Variants in UHRF2 observed in about 807,000 individuals in gnomAD.
UHRF2 encodes E3 ubiquitin-protein ligase UHRF2.
UHRF2 carries 23 observed loss-of-function variants against 96.8 expected under a neutral mutation model. The ratio of observed to expected loss-of-function variants is 0.24; its 90% CI spans 0.17 to 0.34. UHRF2 has a LOEUF of 0.34. Ranked by LOEUF, UHRF2 falls within the 10% of genes least tolerant of loss-of-function variation. The pLI, the probability that UHRF2 is intolerant of heterozygous loss-of-function variation, is 1.00. For missense variants in UHRF2, 685 were observed against 981.5 expected, an observed-to-expected ratio of 0.70 and a Z score of 4.04; for synonymous variants, 385 against 332.6, an observed-to-expected ratio of 1.16 and a Z score of -1.72.
intron 10 of UHRF2, chr9:6,494,966 T>G (rs1478565236): frequency 6.6e-6 from 1 of 152,222 alleles, no homozygotes; most frequent in African/African-American, 2.4e-5. Flanking sequence ...GGTGAAAACA[T>G]TCTTGAGACA....
In UHRF2 at chr9:6,499,824, C is replaced by A. The variant is rs747579691; in HGVS notation, c.1909-11C>A. 1.3e-5 allele frequency: 20 copies of A among 1,582,590 alleles called. No individual in the cohort carries two copies. The highest frequency in any genetic ancestry group is 1.6e-5 in the Non-Finnish European group (19 of 1,156,768). On this transcript the variant is annotated splice_polypyrimidine_tract_variant and intron_variant, in intron 12 of 15. Coordinates refer to ENST00000276893, the MANE Select transcript of UHRF2 (RefSeq NM_152896.3). ...ATCTGCATTGTACTCTCCCTCCTCCCCCCCCATCAGTATCCAGCAGGTTAC... is the reference window on the plus strand; with the variant it reads ...ATCTGCATTGTACTCTCCCTCCTCCACCCCCATCAGTATCCAGCAGGTTAC...
intron 8 of UHRF2, 96 bp downstream of exon 8, chr9:6,482,195 A>C (rs1456149347): frequency 1.0e-6 from 1 of 974,686 alleles, no homozygotes; most frequent in Non-Finnish European, 1.6e-6. Context: ...CTAACACATG[A>C]CATTCACTTG....
chr9:6,419,753 T>C (rs1454866284), intron 1 of UHRF2, among the ~76,000 whole-genome samples: 1 of 152,060 alleles, frequency 6.6e-6, no homozygotes, highest in Non-Finnish European at 1.5e-5. Context: ...TTTATTTGTT[T>C]ATTTTGAGAC....
intron 1 of UHRF2, among the ~76,000 whole-genome samples, chr9:6,419,047 A>T (rs1587756168): frequency 6.6e-6 from 1 of 152,268 alleles, no homozygotes; most frequent in African/African-American, 2.4e-5. Context: ...TTATGAGGAC[A>T]CTAGCCATAT....
In UHRF2 at chr9:6,471,722, C is replaced by T. The variant is rs186302987; in HGVS notation, c.864-3669C>T. Among the ~76,000 whole-genome samples the T allele has an allele frequency of 1.1e-4, 17 of 152,286 alleles. No homozygotes were observed. In the East Asian group the frequency reaches 3.3e-3, roughly 29 times the overall value. On this transcript the variant is annotated intron_variant, in intron 4 of 15. Coordinates refer to ENST00000276893, the MANE Select transcript of UHRF2 (RefSeq NM_152896.3). ...TACTCCCAGATTCCTGACCCACCCC[C>T]ATATGAGTAAGTACAAGCAGTTTGC...
chr9:6,504,895 A>C (rs2130981227), intron 15 of UHRF2, among the ~76,000 whole-genome samples: 1 of 152,240 alleles, frequency 6.6e-6, no homozygotes, highest in African/African-American at 2.4e-5. Flanking sequence ...GTCATTTGAG[A>C]TATTCTATCA....
chr9:6,496,805 T>C (rs1375161133), intron 10 of UHRF2: 1 of 156,174 alleles, frequency 6.4e-6, no homozygotes, highest in Non-Finnish European at 1.4e-5. Flanking sequence ...TTCCAGCAAT[T>C]CACCTTACAC....
At chr9:6,415,059 T>C (rs566362772) in intron 1 of UHRF2, 1 of 152,248 alleles carries the variant, frequency 6.6e-6, no homozygotes, top group Non-Finnish European at 1.5e-5. Flanking sequence ...TGCATTTTAT[T>C]TTCTAGCTGG....
chr9:6,500,557 T>C lies in UHRF2; in HGVS notation c.2011T>C (p.Cys671Arg), dbSNP rs1321156469. 2 of 1,607,800 alleles carry C rather than the reference T, an allele frequency of 1.2e-6. No individual in the cohort carries two copies. Among genetic ancestry groups the C allele is most frequent in the East Asian group, 2.2e-5 (1 of 44,756 alleles). Residue 671 changes from cysteine (C) to arginine (R), a missense_variant, in exon 14 of 16, where the codon TGT becomes CGT. Coordinates refer to ENST00000276893, the MANE Select transcript of UHRF2 (RefSeq NM_152896.3). Reference protein sequence around the residue: ...TTKRPISDDDCPSASKVYKAS... With the variant: ...TTKRPISDDDRPSASKVYKAS... ...CATTTTTAAAATAAATCTAGATGAC[T>C]GTCCAAGTGCCTCCAAAGTGTACAA...
intron 3 of UHRF2, among the ~76,000 whole-genome samples, chr9:6,455,612 C>A (rs887118365): frequency 4.6e-5 from 7 of 152,114 alleles, no homozygotes; most frequent in South Asian, 4.1e-4. Context: ...TGAGGAGCAG[C>A]AGGTCTTAAT....
At chr9:6,445,871 C>G (rs1587804209) in intron 3 of UHRF2, among the ~76,000 whole-genome samples, 1 of 150,842 alleles carries the variant, frequency 6.6e-6, no homozygotes, top group Non-Finnish European at 1.5e-5. Context: ...GCTCTTTCTT[C>G]TAATAATATT....
intron 5 of UHRF2, among the ~76,000 whole-genome samples, chr9:6,476,402 C>G (rs929081130): frequency 6.6e-6 from 1 of 152,092 alleles, no homozygotes; most frequent in Non-Finnish European, 1.5e-5. Context: ...CGAGTAAAGC[C>G]TTAGAATTAT....
At chr9:6,505,843 A>G (rs980398885) in intron 15 of UHRF2, among the ~76,000 whole-genome samples, 190 bp from the exon 16 acceptor site, 4 of 152,208 alleles carry the variant, frequency 2.6e-5, no homozygotes, top group East Asian at 1.9e-4. Flanking sequence ...AAGGCTCCCA[A>G]TATCTGCCAG....
At chr9:6,472,095 T>G (rs1823274150) in intron 4 of UHRF2, among the ~76,000 whole-genome samples, 1 of 152,216 alleles carries the variant, frequency 6.6e-6, no homozygotes, top group South Asian at 2.1e-4. Flanking sequence ...ACACAATGTT[T>G]TCATCACTCC....
chr9:6,486,958 C>G (rs1329914677), intron 9 of UHRF2, 33 bp downstream of exon 9: 1 of 1,591,838 alleles, frequency 6.3e-7, no homozygotes, highest in Non-Finnish European at 8.6e-7. Context: ...TCATTAGTAC[C>G]TGCCTTGACC....
rs774848298 is a variant in UHRF2, at chr9:6,460,699, T to C, written c.771T>C (p.Pro257=). 1 of 1,613,940 alleles carries C rather than the reference T, an allele frequency of 6.2e-7. No homozygotes were observed. Among genetic ancestry groups the C allele is most frequent in the Non-Finnish European group, 8.5e-7 (1 of 1,179,960 alleles). ...TGGTTAATTATAATGTAGAAAGTCC[T>C]GGACAAAGAGGATTCTGGTTTGATG... ...VVMVNYNVES[P]GQRGFWFDAE... is the part of the protein sequence containing the mutation. The change falls in exon 4 of 16, where the codon CCT becomes CCC. Residue 257 remains proline, a synonymous_variant. Transcript: ENST00000276893.
At chr9:6,479,531 T>C (rs11795355) in intron 6 of UHRF2, among the ~76,000 whole-genome samples, 25,804 of 152,064 alleles carry the variant, frequency 0.17, 2,318 homozygotes, top group East Asian at 0.26. Context: ...GCTTGTTCCC[T>C]AGATGATCTC....
intron 3 of UHRF2, among the ~76,000 whole-genome samples, chr9:6,434,815 G>C (rs1341195858): frequency 2.0e-5 from 3 of 152,000 alleles, no homozygotes; most frequent in Admixed American, 2.0e-4. Flanking sequence ...AATAGCATTA[G>C]AGTGACATCT....
At chr9:6,447,829 C>T (rs2130809063) in intron 3 of UHRF2, among the ~76,000 whole-genome samples, 1 of 152,242 alleles carries the variant, frequency 6.6e-6, no homozygotes, top group South Asian at 2.1e-4. Context: ...TACGAGAAGC[C>T]AACAAACAAA....
Sources: gnomAD v4.1 joint callset for allele counts (sites outside exome capture counted in the v4.1 genomes callset) on GRCh38, gnomAD v4.1.1 for gene constraint, MANE v1.5 for transcripts, NCBI Gene and HGNC (gene_info 2026-07-23, HGNC 2026-07-21) for gene names.